The following ARMCX3 variants were observed in gnomAD, a reference collection of about 807,000 sequenced individuals.
ARMCX3 encodes the protein armadillo repeat-containing X-linked protein 3.
In ARMCX3, 3 loss-of-function variants were observed where a neutral mutation model predicts 12.6. That is an observed-to-expected ratio of 0.24 (90% CI 0.11 to 0.61). The LOEUF (loss-of-function observed/expected upper bound fraction) is 0.61, where lower values mean the gene tolerates loss of function less well. Ranked by LOEUF, ARMCX3 falls within the 20% of genes least tolerant of loss-of-function variation. ARMCX3 has a pLI of 0.88. For missense variants in ARMCX3, 204 were observed against 286.1 expected (o/e 0.71, Z 2.07); for synonymous variants, 102 against 103.1 (o/e 0.99, Z 0.06).
In ARMCX3 at chrX:101,626,194, G is replaced by A. The variant is rs1336701116; in HGVS notation, c.*75G>A. ...TTCTCCACCTTGTTTATATGGTAAAGGAATCCTTTCAGCTGCCAGTTTTGA... is the reference window on the plus strand; with the variant it reads ...TTCTCCACCTTGTTTATATGGTAAAAGAATCCTTTCAGCTGCCAGTTTTGA... On this transcript the variant is annotated 3_prime_UTR_variant, in exon 5 of 5. Transcript: ENST00000471229. 4.2e-5 allele frequency: 40 copies of A among 944,192 alleles called. No homozygotes were observed. The highest frequency in any genetic ancestry group is 5.7e-5 in the Non-Finnish European group (40 of 697,139). The allele number at this position is 944,192 out of a possible 1,213,427, so 77.8% of individuals were successfully genotyped here.
Position 101,626,247 on chromosome X carries a change from T to G in ARMCX3, c.*128T>G. On this transcript the variant is annotated 3_prime_UTR_variant, in exon 5 of 5. Coordinates refer to ENST00000471229, the MANE Select transcript of ARMCX3 (RefSeq NM_177947.3). ...AATGAATATCATATTGTATCATCAA[T>G]GCTGATATTTAACTGAGTTGGTCTT... is the stretch of plus-strand genomic sequence containing the variant. 1 of 575,671 alleles carries G rather than the reference T, an allele frequency of 1.7e-6. No individual in the cohort carries two copies. Among genetic ancestry groups the G allele is most frequent in the South Asian group, 4.8e-5 (1 of 20,926 alleles). 47.4% of individuals were successfully genotyped at this position (575,671 alleles called of 1,213,427 possible).
rs1436448116 is a variant in ARMCX3, at chrX:101,624,950, T to A, written c.-30T>A. 9.0e-6 allele frequency: 10 copies of A among 1,110,895 alleles called. No individual in the cohort carries two copies. The African/African-American group carries it at 1.9e-4, about 21-fold the overall frequency. The allele number at this position is 1,110,895 out of a possible 1,213,427, so 91.6% of individuals were successfully genotyped here. On this transcript the variant is annotated 5_prime_UTR_variant, in exon 5 of 5. It adds an upstream start codon to the 5' untranslated region. Transcript: ENST00000471229. ...CCAGCCTGAGTGACTACTCTATTCC[T>A]TGGTCCCTGCTATTGTCGGGGACGA...
At position 101,627,560 on chromosome X, in the gene ARMCX3, A is replaced by G. The variant is rs781982124; in HGVS notation, c.*1441A>G. 5.6e-5 allele frequency: 7 copies of G among 124,033 alleles called. No homozygotes were observed. In the East Asian group the frequency reaches 1.7e-3, roughly 29 times the overall value. The allele number at this position is 124,033 out of a possible 1,213,427, so 10.2% of individuals were successfully genotyped here. A position where few individuals can be genotyped will look rare whatever the true frequency, so the allele number is the denominator to read the frequency against. ...GATTGGAAAACATACTGAATGGAAG[A>G]AATATTTAGATTAAAAATGAGGTAG... On this transcript the variant is annotated 3_prime_UTR_variant, in exon 5 of 5. Transcript: ENST00000471229.
In ARMCX3 at chrX:101,625,275, C is replaced by T. The variant is rs1935968018; in HGVS notation, c.296C>T (p.Thr99Ile). Residue 99 changes from threonine to isoleucine, a missense_variant, in exon 5 of 5, where the codon ACC becomes ATC. Coordinates refer to ENST00000471229, the MANE Select transcript of ARMCX3 (RefSeq NM_177947.3). ...RARARARARA[T>I]RARRAVQKRA... ...AGGGCCAGGGCAAGGGCCAGGGCTACCCGGGCACGTCGGGCTGTCCAGAAA... is the reference window on the plus strand; with the variant it reads ...AGGGCCAGGGCAAGGGCCAGGGCTATCCGGGCACGTCGGGCTGTCCAGAAA... The T allele has an allele frequency of 1.7e-6, 2 of 1,207,407 alleles. No homozygotes were observed. The highest frequency in any genetic ancestry group is 1.7e-5 in the African/African-American group (1 of 57,246).
chrX:101,626,458 T>C lies in ARMCX3; in HGVS notation c.*339T>C. On this transcript the variant is annotated 3_prime_UTR_variant, in exon 5 of 5. Transcript: ENST00000471229. ...TTAATTTGTGTATCATCAATAAAAT[T>C]GTATGTTAATGCTGGAAAGAAAAAA... 1 of 169,387 alleles carries C rather than the reference T, an allele frequency of 5.9e-6. No individual in the cohort carries two copies. The highest frequency in any genetic ancestry group is 1.2e-5 in the Non-Finnish European group (1 of 83,490). The allele number at this position is 169,387 out of a possible 1,213,427, so 14.0% of individuals were successfully genotyped here. A position where few individuals can be genotyped will look rare whatever the true frequency, so the allele number is the denominator to read the frequency against.
At chrX:101,623,553 A>G (rs781869355) in intron 1 of ARMCX3, 16 of 112,569 alleles carry the variant, frequency 1.4e-4, no homozygotes, top group African/African-American at 5.2e-4. Flanking sequence ...CCACCAGGAC[A>G]GTGCCGGAGG....
intron 4 of ARMCX3, 57 bp from the exon 5 acceptor site, chrX:101,624,777 A>C (rs1372522580): frequency 9.4e-6 from 3 of 318,045 alleles, no homozygotes; most frequent in Non-Finnish European, 1.6e-5. Flanking sequence ...AGCTCCCTGC[A>C]TGGGGCAACA....
chrX:101,625,672 G>A lies in ARMCX3; in HGVS notation c.693G>A (p.Met231Ile), dbSNP rs1556038540. ...CTGGACTGAGATTGCTTACAAATAT[G>A]ACTGTTACTAATGAGTATCAGCACA... ...QLAGLRLLTNMTVTNEYQHML... is the reference protein window; with the variant it reads ...QLAGLRLLTNITVTNEYQHML... Residue 231 changes from methionine (M) to isoleucine (I), a missense_variant, in exon 5 of 5, where the codon ATG (methionine) becomes ATA (isoleucine). Transcript: ENST00000471229. The A allele has an allele frequency of 8.4e-7, 1 of 1,191,725 alleles. No individual in the cohort carries two copies. The highest frequency in any genetic ancestry group is 1.9e-5 in the South Asian group (1 of 53,244).
In ARMCX3 at chrX:101,625,481, G is replaced by A. The variant is rs1170372682; in HGVS notation, c.502G>A (p.Val168Ile). 2 of 1,208,396 alleles carry A rather than the reference G, an allele frequency of 1.7e-6. No individual in the cohort carries two copies. The highest frequency in any genetic ancestry group is 3.5e-5 in the African/African-American group (2 of 57,157). ...TCGTGATCTGGGTGGTCTCCCAATT[G>A]TCGCAAAGATTCTCAATACTCGGGA... ...IIRDLGGLPI[V>I]AKILNTRDPI... Residue 168 changes from valine to isoleucine, a missense_variant, in exon 5 of 5, where the codon GTC becomes ATC. Coordinates refer to ENST00000471229, the MANE Select transcript of ARMCX3 (RefSeq NM_177947.3).
rs782803032 is a variant in ARMCX3 at position 101,624,757 on chromosome X, C to T, written c.-146-77C>T. 1.4e-3 allele frequency: 428 copies of T among 296,255 alleles called. 3 individuals are homozygous for T. Among genetic ancestry groups the T allele is most frequent in the African/African-American group, 0.011 (388 of 35,879 alleles). 24.4% of individuals were successfully genotyped at this position (296,255 alleles called of 1,213,427 possible). On this transcript the variant is annotated intron_variant, in intron 4 of 4. Transcript: ENST00000471229. ...TAGCATTCAATTATTATTATCTTGT[C>T]CCTCTGTGCAGCTCCCTGCATGGGG...
chrX:101,623,771 T>C (rs2147765764), intron 1 of ARMCX3, 43 bp from the exon 2 acceptor site: 1 of 112,029 alleles, frequency 8.9e-6, no homozygotes, highest in Non-Finnish European at 1.9e-5. Flanking sequence ...TTACTGACCA[T>C]GGCTCTGTGT....
chrX:101,624,798 A>G (rs782609782), intron 4 of ARMCX3, 36 bp from the exon 5 acceptor site: 36 of 336,942 alleles, frequency 1.1e-4, no homozygotes, highest in Non-Finnish European at 1.8e-4. Flanking sequence ...CAAGCAGAAG[A>G]GAAACTCAAA....
Position 101,625,036 on chromosome X carries a change from C to A in ARMCX3, c.57C>A (p.Gly19=). ...CCGCAGGCCTGGTGATTGGGGCTGG[C>A]GCCTGCTATTGCATTTATAGACTGA... The part of the protein sequence containing the change: ...WVTAGLVIGA[G]ACYCIYRLTR... The change falls in exon 5 of 5, where the codon GGC becomes GGA. Residue 19 remains glycine (G), a synonymous_variant. Transcript: ENST00000471229. 2.6e-6 allele frequency: 3 copies of A among 1,152,866 alleles called. No individual in the cohort carries two copies. The highest frequency in any genetic ancestry group is 3.5e-6 in the Non-Finnish European group (3 of 867,301).
In ARMCX3 at chrX:101,624,965, G is replaced by T; in HGVS notation, c.-15G>T. On this transcript the variant is annotated 5_prime_UTR_variant, in exon 5 of 5. Transcript: ENST00000471229. ...ACTCTATTCCTTGGTCCCTGCTATT[G>T]TCGGGGACGATTGCATGGGCTACGC... 1 of 1,124,950 alleles carries T rather than the reference G, an allele frequency of 8.9e-7. No homozygotes were observed. The highest frequency in any genetic ancestry group is 1.2e-6 in the Non-Finnish European group (1 of 855,145). 92.7% of individuals were successfully genotyped at this position (1,124,950 alleles called of 1,213,427 possible).
chrX:101,625,311 C>T lies in ARMCX3; in HGVS notation c.332C>T (p.Pro111Leu). 8.3e-7 allele frequency: 1 copy of T among 1,209,984 alleles called. No individual in the cohort carries two copies. Among genetic ancestry groups the T allele is most frequent in the Non-Finnish European group, 1.1e-6 (1 of 894,661 alleles). The change falls in exon 5 of 5, where the codon CCC becomes CTC. Residue 111 changes from proline (P) to leucine (L), a missense_variant. By Grantham distance (98) the Pro-to-Leu change is moderately conservative. Coordinates refer to ENST00000471229, the MANE Select transcript of ARMCX3 (RefSeq NM_177947.3). ...CGGGCTGTCCAGAAACGGGCTTCCC[C>T]CAATTCAGATGATACCGTTTTGTCC... ...ARRAVQKRAS[P>L]NSDDTVLSPQ...
In ARMCX3 at chrX:101,624,958, T is replaced by C. The variant is rs1935961468; in HGVS notation, c.-22T>C. On this transcript the variant is annotated 5_prime_UTR_variant, in exon 5 of 5. Coordinates refer to ENST00000471229, the MANE Select transcript of ARMCX3 (RefSeq NM_177947.3). Reference sequence around the variant, plus strand: ...AGTGACTACTCTATTCCTTGGTCCCTGCTATTGTCGGGGACGATTGCATGG... The same window carrying C: ...AGTGACTACTCTATTCCTTGGTCCCCGCTATTGTCGGGGACGATTGCATGG... 1 of 1,121,272 alleles carries C rather than the reference T, an allele frequency of 8.9e-7. No individual in the cohort carries two copies. The highest frequency in any genetic ancestry group is 2.4e-5 in the South Asian group (1 of 41,923). 92.4% of individuals were successfully genotyped at this position (1,121,272 alleles called of 1,213,427 possible). A position where few individuals can be genotyped will look rare whatever the true frequency, so the allele number is the denominator to read the frequency against.
Position 101,623,279 on chromosome X carries a change from C to T in ARMCX3, c.-359+3C>T, listed in dbSNP as rs1254992233. 1.8e-5 allele frequency: 2 copies of T among 113,610 alleles called. No individual in the cohort carries two copies. Among genetic ancestry groups the T allele is most frequent in the Non-Finnish European group, 3.7e-5 (2 of 53,486 alleles). The allele number at this position is 113,610 out of a possible 1,213,427, so 9.4% of individuals were successfully genotyped here. On this transcript the variant is annotated splice_donor_region_variant and intron_variant, in intron 1 of 4. Transcript: ENST00000471229. ...GAAATTGTCCCGAATCCCTGCAGGT[C>T]AGTACCTGGAAGATTCCATAAAGTC...
In ARMCX3 at chrX:101,626,049, T is replaced by C; in HGVS notation, c.1070T>C (p.Leu357Ser). The C allele has an allele frequency of 1.7e-6, 2 of 1,199,076 alleles. No individual in the cohort carries two copies. The highest frequency in any genetic ancestry group is 1.9e-5 in the South Asian group (1 of 53,933). The part of the protein sequence containing the change: ...VLGIESHHDF[L>S]VKVKVGKFMA... ...GGAATAGAAAGTCACCATGATTTTT[T>C]GGTGAAAGTAAAAGTTGGAAAATTC... The change falls in exon 5 of 5, where the codon TTG (leucine) becomes TCG (serine). Residue 357 changes from leucine (L) to serine (S), a missense_variant. By Grantham distance (145) the Leu-to-Ser change is moderately radical. Coordinates refer to ENST00000471229, the MANE Select transcript of ARMCX3 (RefSeq NM_177947.3).
chrX:101,627,531 G>A lies in ARMCX3; in HGVS notation c.*1412G>A. 1 of 123,464 alleles carries A rather than the reference G, an allele frequency of 8.1e-6. No homozygotes were observed. The highest frequency in any genetic ancestry group is 3.7e-4 in the South Asian group (1 of 2,709). 10.2% of individuals were successfully genotyped at this position (123,464 alleles called of 1,213,427 possible). The stretch of plus-strand genomic sequence containing the variant: ...GAAAAGTGTTGGGAATGAAGCAAGT[G>A]ATTGATTGGAAAACATACTGAATGG... On this transcript the variant is annotated 3_prime_UTR_variant, in exon 5 of 5. Transcript: ENST00000471229.
Sources: gnomAD v4.1 joint callset for allele counts on GRCh38, gnomAD v4.1.1 for gene constraint, MANE v1.5 for transcripts, NCBI Gene and HGNC (gene_info 2026-07-23, HGNC 2026-07-21) for gene names.